CYRIB: variants seen among roughly 807,000 people sequenced by gnomAD.
The protein encoded by CYRIB is CYFIP-related Rac1 interactor B.
Under a neutral mutation model 44.2 loss-of-function variants are expected in CYRIB, and 8 were observed. The observed-to-expected ratio is 0.18, with a 90% confidence interval of 0.11 to 0.33. The LOEUF is 0.33. Ranked by LOEUF, CYRIB falls within the 10% of genes least tolerant of loss-of-function variation. The pLI, the probability that CYRIB is intolerant of heterozygous loss-of-function variation, is 1.00. For missense variants in CYRIB, 185 were observed against 382.8 expected (o/e 0.48, Z 4.31); for synonymous variants, 131 against 127.2 (o/e 1.03, Z -0.20).
chr8:129,996,203 T>C (rs1482026718), intron 1 of CYRIB, among the ~76,000 whole-genome samples: 6 of 152,212 alleles, frequency 3.9e-5, no homozygotes, highest in African/African-American at 1.4e-4. Context: ...CGCTAGCCGA[T>C]TGGTTGCCAC....
chr8:129,918,007 C>T (rs1030872180), intron 1 of CYRIB, among the ~76,000 whole-genome samples: 3 of 152,034 alleles, frequency 2.0e-5, no homozygotes, highest in Admixed American at 1.3e-4. Context: ...AAAGAAAATC[C>T]ACCCTAACTC....
chr8:129,941,272 G>GTTTT (rs551305807), upstream of CYRIB, among the ~76,000 whole-genome samples: 6 of 124,986 alleles, frequency 4.8e-5, no homozygotes, highest in Non-Finnish European at 5.0e-5. Flanking sequence ...AACTGAAGGA[G>GTTTT]ATTTTTTTTT....
chr8:130,013,128 T>C (rs1403235456), intron 1 of CYRIB, among the ~76,000 whole-genome samples: 2 of 152,220 alleles, frequency 1.3e-5, no homozygotes, highest in Admixed American at 6.5e-5. Context: ...CAGTGATTAT[T>C]ACTGTTGTTG....
chr8:129,877,662 A>G (rs56169802), intron 3 of CYRIB, among the ~76,000 whole-genome samples: 20,311 of 59,066 alleles, frequency 0.34, 2,243 homozygotes, highest in African/African-American at 0.52. Flanking sequence ...AAAAAAAAAA[A>G]GGTGTGTGTG....
intron 1 of CYRIB, among the ~76,000 whole-genome samples, chr8:129,998,399 G>A (rs1396642161): frequency 3.9e-5 from 6 of 152,194 alleles, no homozygotes; most frequent in Non-Finnish European, 7.3e-5. Context: ...ACAAGGAAGT[G>A]GATGACTTTG....
intron 2 of CYRIB, among the ~76,000 whole-genome samples, chr8:129,953,492 G>A (rs906423945): frequency 2.0e-5 from 3 of 152,114 alleles, no homozygotes; most frequent in Admixed American, 1.3e-4. Flanking sequence ...CCCTGTGCAC[G>A]TGCTCTCAAC....
At chr8:129,886,309 C>T (rs1420679757) in intron 2 of CYRIB, among the ~76,000 whole-genome samples, 1 of 152,192 alleles carries the variant, frequency 6.6e-6, no homozygotes, top group Non-Finnish European at 1.5e-5. Context: ...CAGCTCTTGA[C>T]CCAGTTATCA....
chr8:129,852,192 CAAG>C, exon 8 of CYRIB: 1 of 1,558,940 alleles, frequency 6.4e-7, no homozygotes, highest in Non-Finnish European at 8.7e-7. Context: ...TGGCATCACT[CAAG>C]GTTTTCAGCA....
At chr8:129,923,778 T>C (rs941011022) in intron 1 of CYRIB, among the ~76,000 whole-genome samples, 1 of 151,630 alleles carries the variant, frequency 6.6e-6, no homozygotes, top group Non-Finnish European at 1.5e-5. Context: ...AAGGAATACA[T>C]TTTGAAGAAG....
chr8:129,923,005 G>A (rs947659925), intron 1 of CYRIB, among the ~76,000 whole-genome samples: 3 of 151,428 alleles, frequency 2.0e-5, no homozygotes, highest in Admixed American at 6.6e-5. Context: ...AGGGGTGGGC[G>A]GATCACCTGA....
chr8:129,891,542 C>T (rs1003263560), intron 2 of CYRIB, among the ~76,000 whole-genome samples: 24 of 152,182 alleles, frequency 1.6e-4, no homozygotes, highest in African/African-American at 5.6e-4. Context: ...GTGTTAATAT[C>T]AACATAGTAG....
chr8:130,009,301 CTT>C (rs1344014264), intron 1 of CYRIB, among the ~76,000 whole-genome samples: 9 of 150,184 alleles, frequency 6.0e-5, no homozygotes, highest in Middle Eastern at 3.4e-3. Flanking sequence ...GAGTTTCCCT[CTT>C]GTCACCCAGG....
At chr8:129,893,408 G>C (rs911088225) in intron 2 of CYRIB, among the ~76,000 whole-genome samples, 2 of 152,014 alleles carry the variant, frequency 1.3e-5, no homozygotes, top group Admixed American at 6.6e-5. Context: ...AGGGCATTCT[G>C]AACACACAGA....
chr8:129,861,622 G>GTT (rs573688560), intron 5 of CYRIB, among the ~76,000 whole-genome samples: 4 of 137,126 alleles, frequency 2.9e-5, no homozygotes, highest in Admixed American at 7.4e-5. Flanking sequence ...TTTGTTTGTT[G>GTT]TTTTTTTTTT....
chr8:129,992,561 C>T (rs937175664), intron 1 of CYRIB, among the ~76,000 whole-genome samples: 3 of 152,154 alleles, frequency 2.0e-5, no homozygotes, highest in Non-Finnish European at 1.5e-5. Flanking sequence ...AGATGAAGGA[C>T]GCACAGACCT....
At chr8:129,967,381 T>TTTG (rs1404379916) in intron 2 of CYRIB, among the ~76,000 whole-genome samples, 23 of 151,198 alleles carry the variant, frequency 1.5e-4, no homozygotes, top group African/African-American at 5.6e-4. Context: ...GTTTTTTTGT[T>TTTG]TTTTTGTTTT....
At chr8:129,891,339 G>C (rs2065316073) in intron 2 of CYRIB, among the ~76,000 whole-genome samples, 1 of 152,166 alleles carries the variant, frequency 6.6e-6, no homozygotes, top group Admixed American at 6.5e-5. Flanking sequence ...TTTCCTGGTT[G>C]GAATTTGACT....
chr8:129,846,771 T>C (rs1318555638), intron 11 of CYRIB, 33 bp downstream of exon 13: 1 of 1,464,588 alleles, frequency 6.8e-7, no homozygotes. Context: ...TTACAGATTT[T>C]TTCTGTACAT....
chr8:129,931,887 A>G (rs577517283), intron 1 of CYRIB, among the ~76,000 whole-genome samples: 3 of 152,096 alleles, frequency 2.0e-5, no homozygotes, highest in African/African-American at 7.2e-5. Context: ...TCAGCCTCCC[A>G]AATTGCTGGG....
Sources: gnomAD v4.1 joint callset for allele counts (sites outside exome capture counted in the v4.1 genomes callset) on GRCh38, gnomAD v4.1.1 for gene constraint, MANE v1.5 for transcripts, NCBI Gene and HGNC (gene_info 2026-07-23, HGNC 2026-07-21) for gene names.